The following HAUS7 variants were observed in gnomAD, a reference collection of about 807,000 sequenced individuals.
HAUS7 encodes HAUS augmin-like complex subunit 7.
Under a neutral mutation model 28.4 loss-of-function variants are expected in HAUS7, and 3 were observed. The observed-to-expected ratio is 0.11, with a 90% CI of 0.05 to 0.27. The LOEUF is 0.27. Among genes scored for constraint, HAUS7 ranks in the 10% least tolerant of loss-of-function variants. The pLI is 1.00. For missense variants in HAUS7, 284 were observed against 297.3 expected (o/e 0.96, Z 0.33); for synonymous variants, 165 against 132.1 (o/e 1.25, Z -1.71).
At chrX:153,455,394 C>G (rs1437539227) in intron 8 of HAUS7, 148 bp downstream of exon 8, 1 of 459,922 alleles carries the variant, frequency 2.2e-6, no homozygotes, top group Non-Finnish European at 3.7e-6. Context: ...CAGCAGGGAG[C>G]CCAGCCCAGC....
intron 1 of HAUS7, among the ~76,000 whole-genome samples, chrX:153,469,564 G>A (rs1278341026): frequency 1.8e-5 from 2 of 112,961 alleles, no homozygotes; most frequent in East Asian, 2.8e-4. Flanking sequence ...CTGACCTCAG[G>A]TATCTGCCCA....
At chrX:153,462,560 A>G in intron 4 of HAUS7, 50 bp downstream of exon 4, 1 of 977,638 alleles carries the variant, frequency 1.0e-6, no homozygotes, top group Non-Finnish European at 1.5e-6. Flanking sequence ...TTCCCTGCCC[A>G]GGGCAGAAAG....
intron 2 of HAUS7, among the ~76,000 whole-genome samples, chrX:153,467,890 T>G (rs2089473231): frequency 2.7e-5 from 3 of 112,834 alleles, no homozygotes; most frequent in African/African-American, 9.7e-5. Context: ...GAATACATTC[T>G]GCCCTGGGAA....
intron 1 of HAUS7, among the ~76,000 whole-genome samples, chrX:153,480,348 G>A (rs1382338452): frequency 9.1e-6 from 1 of 109,364 alleles, no homozygotes; most frequent in African/African-American, 3.3e-5. Flanking sequence ...CCCCAGCAGT[G>A]AGGAGCTGTG....
In HAUS7 at chrX:153,485,434, A is replaced by C. The variant is rs1556988273; in HGVS notation, c.-589+9940T>G. On this transcript the variant is annotated intron_variant, in intron 1 of 5. Coordinates refer to the HAUS7 transcript ENST00000370210. ...TTAGGAGACAGGAGACCCTGAGGCA[A>C]CACCTGGAGGGAAGGAAGTGAGTGG... is the stretch of plus-strand genomic sequence containing the variant. Among the ~76,000 whole-genome samples the C allele has an allele frequency of 2.7e-5, 3 of 111,736 alleles. No individual in the cohort carries two copies. In the Admixed American group the frequency reaches 2.8e-4, roughly 10 times the overall value.
intron 8 of HAUS7, 157 bp downstream of exon 8, chrX:153,455,385 A>G (rs56164811): frequency 4.4e-6 from 2 of 455,551 alleles, no homozygotes; most frequent in African/African-American, 2.5e-5. Context: ...GCCACTGGCC[A>G]GCAGGGAGCC....
At chrX:153,486,464 G>A (rs1247775970) in intron 1 of HAUS7, among the ~76,000 whole-genome samples, 3 of 112,568 alleles carry the variant, frequency 2.7e-5, no homozygotes, top group Non-Finnish European at 5.6e-5. Flanking sequence ...GGGCCAGGAG[G>A]CCGCAGTGGT....
intron 9 of HAUS7, 144 bp downstream of exon 9, chrX:153,454,250 A>C: frequency 2.3e-6 from 1 of 433,046 alleles, no homozygotes; most frequent in Admixed American, 4.5e-5. Flanking sequence ...GCATTTTTTC[A>C]AGTGAAGGAA....
intron 9 of HAUS7, among the ~76,000 whole-genome samples, chrX:153,448,662 C>T (rs1304526172): frequency 7.1e-5 from 8 of 112,659 alleles, no homozygotes; most frequent in African/African-American, 2.6e-4. Context: ...CCACTCAAGG[C>T]ACATGTCCTC....
intron 3 of HAUS7, among the ~76,000 whole-genome samples, chrX:153,464,054 G>A (rs1434787410): frequency 1.8e-5 from 2 of 112,631 alleles, no homozygotes; most frequent in African/African-American, 6.5e-5. Flanking sequence ...ACCATTCGTC[G>A]GATGAATTCC....
intron 3 of HAUS7, 73 bp from the exon 4 acceptor site, chrX:153,462,744 C>T: frequency 1.2e-6 from 1 of 827,304 alleles, no homozygotes; most frequent in Non-Finnish European, 1.8e-6. Flanking sequence ...ACCCAGGAAG[C>T]CCAGCACCCA....
In HAUS7 at chrX:153,456,485, G is replaced by A. The variant is rs782449193; in HGVS notation, c.605+8C>T. The A allele has an allele frequency of 2.0e-5, 23 of 1,179,331 alleles. No individual in the cohort carries two copies. The African/African-American group carries it at 3.0e-4, about 15-fold the overall frequency. ...GGTGCTGCCACTGAGGCCTCCAGGA[G>A]CACGTACCACTGCCAGTCATCACTC... On this transcript the variant is annotated splice_region_variant and intron_variant, in intron 6 of 9. Transcript: ENST00000370211.
At chrX:153,494,938 G>C (rs1255846062) in intron 1 of HAUS7, 1 of 80,931 alleles carries the variant, frequency 1.2e-5, no homozygotes, top group Non-Finnish European at 2.3e-5. Context: ...CCGTCGGCCC[G>C]CCTGCCCAGC....
chrX:153,467,802 C>A (rs1320320447), intron 2 of HAUS7, among the ~76,000 whole-genome samples: 1 of 112,806 alleles, frequency 8.9e-6, no homozygotes, highest in Non-Finnish European at 1.9e-5. Context: ...TGACAGCAGG[C>A]CAAGAGTGCA....
intron 1 of HAUS7, among the ~76,000 whole-genome samples, chrX:153,492,149 C>A (rs1038073827): frequency 1.5e-4 from 17 of 113,338 alleles, no homozygotes; most frequent in African/African-American, 5.4e-4. Context: ...TGCCTGCCTT[C>A]CCCCTGCTTC....
chrX:153,456,104 G>A (rs979911838), intron 7 of HAUS7, among the ~76,000 whole-genome samples, 161 bp downstream of exon 7: 10 of 112,470 alleles, frequency 8.9e-5, no homozygotes, highest in Non-Finnish European at 1.7e-4. Flanking sequence ...CCCCAGCCAC[G>A]GGACCCACCT....
At chrX:153,458,968 G>C (rs782368674) in intron 4 of HAUS7, among the ~76,000 whole-genome samples, 10 of 111,398 alleles carry the variant, frequency 9.0e-5, no homozygotes, top group Non-Finnish European at 1.7e-4. Flanking sequence ...ATGTTGTCTG[G>C]GCTGGTCTTA....
At chrX:153,462,257 A>G in intron 4 of HAUS7, 1 of 714,776 alleles carries the variant, frequency 1.4e-6, no homozygotes, top group East Asian at 1.5e-4. Context: ...TCGGGCCACA[A>G]GGGCTTGGGA....
chrX:153,463,867 G>C (rs1290065868), intron 3 of HAUS7, among the ~76,000 whole-genome samples: 1 of 112,669 alleles, frequency 8.9e-6, no homozygotes, highest in Non-Finnish European at 1.9e-5. Context: ...AGCCCTGCAG[G>C]ACCCTCAGCC....
Sources: allele counts gnomAD v4.1 joint callset (sites outside exome capture counted in the v4.1 genomes callset), GRCh38; gene constraint gnomAD v4.1.1; transcripts MANE v1.5; gene names NCBI Gene and HGNC (gene_info 2026-07-23, HGNC 2026-07-21).